Variants in DCDC2C observed in about 807,000 individuals in gnomAD.
DCDC2C encodes the protein doublecortin domain-containing protein 2C.
In DCDC2C, 44 loss-of-function variants were observed where a neutral mutation model predicts 45.0. The observed-to-expected ratio is 0.98, with a 90% CI of 0.77 to 1.26. The LOEUF (loss-of-function observed/expected upper bound fraction) is 1.26, where lower values mean the gene tolerates loss of function less well. DCDC2C is among the 50% of genes most tolerant of loss of function. DCDC2C has a pLI of 0.00. For synonymous variants in DCDC2C, 187 were observed against 178.8 expected (o/e 1.05, Z -0.37); for missense variants, 447 against 468.9 (o/e 0.95, Z 0.43).
At position 3,752,743 on chromosome 2, in the gene DCDC2C, T is replaced by C. The variant is rs1400784501; in HGVS notation, c.546-20T>C. 1 of 1,550,160 alleles carries C rather than the reference T, an allele frequency of 6.5e-7. No homozygotes were observed. The highest frequency in any genetic ancestry group is 2.4e-5 in the East Asian group (1 of 40,908). ...CTGGTCCTCAAGTCTCTATCTCATT[T>C]CTTCTTTCTGTTTTTACAGATTATT... On this transcript the variant is annotated intron_variant, in intron 4 of 10. Coordinates refer to ENST00000399143, the MANE Select transcript of DCDC2C (RefSeq NM_001287444.2).
Position 3,726,986 on chromosome 2 carries a change from G to A in DCDC2C, c.340-17G>A. ...TAATTTGAACTGAATTCCCAGGTGT[G>A]TTTTTTCCTTTTTCAGATCAAACCA... On this transcript the variant is annotated splice_polypyrimidine_tract_variant and intron_variant, in intron 2 of 10. Transcript: ENST00000399143. 2 of 1,549,648 alleles carry A rather than the reference G, an allele frequency of 1.3e-6. No individual in the cohort carries two copies. The highest frequency in any genetic ancestry group is 1.7e-6 in the Non-Finnish European group (2 of 1,146,232).
intron 2 of DCDC2C, among the ~76,000 whole-genome samples, chr2:3,717,945 C>G (rs1296821359): frequency 7.9e-5 from 12 of 152,238 alleles, no homozygotes; most frequent in Admixed American, 7.9e-4. Context: ...AGGAGGCCTC[C>G]TTTCTCCCTA....
In DCDC2C at chr2:3,704,044, T is replaced by TGCGCCC; in HGVS notation, c.287+13_287+18dup. On this transcript the variant is annotated splice_region_variant and intron_variant, in intron 1 of 10. Transcript: ENST00000399143. ...GAGCGCTTCAAGGAGCTCGAGTAAGTGCGCCCGCGCCCCCCACGCGCCCTG... is the reference window on the plus strand; with the variant it reads ...GAGCGCTTCAAGGAGCTCGAGTAAGTGCGCCCGCGCCCGCGCCCCCCACGCGCCCTG... 1 of 1,254,658 alleles carries TGCGCCC rather than the reference T, an allele frequency of 8.0e-7. No homozygotes were observed. Among genetic ancestry groups the TGCGCCC allele is most frequent in the African/African-American group, 1.6e-5 (1 of 64,440 alleles). 77.7% of individuals were successfully genotyped at this position (1,254,658 alleles called of 1,614,324 possible). A position where few individuals can be genotyped will look rare whatever the true frequency, so the allele number is the denominator to read the frequency against.
rs546767311 is a variant in DCDC2C at position 3,709,250 on chromosome 2, G to T, written c.339+650G>T. Reference sequence around the variant, plus strand: ...TTGAGGGTATCTACTTCTCTAAGTTGCAATGTTGCTGTTCTTAAATTTCCT... The same window carrying T: ...TTGAGGGTATCTACTTCTCTAAGTTTCAATGTTGCTGTTCTTAAATTTCCT... On this transcript the variant is annotated intron_variant, in intron 2 of 10. Coordinates refer to ENST00000399143, the MANE Select transcript of DCDC2C (RefSeq NM_001287444.2). Among the ~76,000 whole-genome samples the T allele has an allele frequency of 1.7e-4, 26 of 152,312 alleles. No individual in the cohort carries two copies. In the East Asian group the frequency reaches 3.7e-3, roughly 21 times the overall value.
intron 6 of DCDC2C, among the ~76,000 whole-genome samples, chr2:3,760,811 G>A (rs1347936293): frequency 2.0e-5 from 3 of 150,878 alleles, no homozygotes; most frequent in South Asian, 2.1e-4. Context: ...AAACCTGCAC[G>A]TTCTGCACAT....
chr2:3,837,615 A>G lies in DCDC2C; in HGVS notation c.1066-9539A>G, dbSNP rs1672112822. Among the ~76,000 whole-genome samples, 10 of 101,884 alleles carry G rather than the reference A, an allele frequency of 9.8e-5. 1 individual carries two copies. Among genetic ancestry groups the G allele is most frequent in the South Asian group, 3.7e-4 (1 of 2,726 alleles). 66.8% of individuals were successfully genotyped at this position (101,884 alleles called of 152,430 possible). On this transcript the variant is annotated intron_variant, in intron 10 of 10. Transcript: ENST00000399143. ...TCTGTTCTCATCTAAAGGGGAAGAAACTGAGGAAGAAATCAGCCTTTGGCT... is the reference window on the plus strand; with the variant it reads ...TCTGTTCTCATCTAAAGGGGAAGAAGCTGAGGAAGAAATCAGCCTTTGGCT...
At chr2:3,824,569 G>A (rs952090686) in intron 10 of DCDC2C, among the ~76,000 whole-genome samples, 2 of 152,146 alleles carry the variant, frequency 1.3e-5, no homozygotes, top group Admixed American at 6.5e-5. Context: ...TTTAGTTGAG[G>A]TTTGTTGTTA....
At chr2:3,756,785 A>G (rs1416974847) in intron 6 of DCDC2C, among the ~76,000 whole-genome samples, 1 of 152,230 alleles carries the variant, frequency 6.6e-6, no homozygotes, top group Non-Finnish European at 1.5e-5. Flanking sequence ...GAGTGAGCTT[A>G]GCCTGTCTGA....
chr2:3,844,676 A>G (rs1031572086), intron 10 of DCDC2C: 1 of 152,240 alleles, frequency 6.6e-6, no homozygotes, highest in African/African-American at 2.4e-5. Flanking sequence ...CATGAATTTC[A>G]TATTTTGGTG....
intron 8 of DCDC2C, among the ~76,000 whole-genome samples, chr2:3,773,957 A>G (rs1572605909): frequency 6.6e-6 from 1 of 152,202 alleles, no homozygotes. Context: ...GTGCAAAAGG[A>G]GAGTATCTTT....
At chr2:3,838,113 G>T (rs1398034249) in intron 10 of DCDC2C, among the ~76,000 whole-genome samples, 1 of 152,176 alleles carries the variant, frequency 6.6e-6, no homozygotes, top group African/African-American at 2.4e-5. Flanking sequence ...GCCCTTGAAG[G>T]TGGTGATCGC....
In DCDC2C at chr2:3,778,872, T is replaced by C. The variant is rs1670430199; in HGVS notation, c.1011T>C (p.Phe337=). The C allele has an allele frequency of 1.3e-6, 2 of 1,550,950 alleles. No individual in the cohort carries two copies. Among genetic ancestry groups the C allele is most frequent in the Non-Finnish European group, 1.7e-6 (2 of 1,147,088 alleles). The change falls in exon 9 of 11, where the codon TTT becomes TTC. Residue 337 remains phenylalanine (F), a synonymous_variant. Transcript: ENST00000399143. ...AGATACATGAGAACACCCCTGATTT[T>C]GAGGGCAACAAGGTGAGTTCATTTT... The part of the protein sequence containing the change: ...DEEIHENTPD[F]EGNKDKEDAR...
chr2:3,811,633 A>G (rs1227657637), intron 10 of DCDC2C, among the ~76,000 whole-genome samples: 1 of 152,146 alleles, frequency 6.6e-6, no homozygotes, highest in Non-Finnish European at 1.5e-5. Context: ...AGAAGTGGTG[A>G]GGGAGGGCAC....
chr2:3,829,097 G>A (rs994502322), intron 10 of DCDC2C, among the ~76,000 whole-genome samples: 4 of 152,082 alleles, frequency 2.6e-5, no homozygotes, highest in African/African-American at 7.2e-5. Context: ...GCACAGGAAC[G>A]CACGGTCACG....
intron 4 of DCDC2C, among the ~76,000 whole-genome samples, chr2:3,747,144 G>A (rs1269129653): frequency 6.6e-6 from 1 of 152,168 alleles, no homozygotes; most frequent in Admixed American, 6.5e-5. Context: ...GGACACACAT[G>A]CACGCAGCAC....
At chr2:3,758,703 T>G (rs1263973094) in intron 6 of DCDC2C, among the ~76,000 whole-genome samples, 1 of 152,118 alleles carries the variant, frequency 6.6e-6, no homozygotes, top group Non-Finnish European at 1.5e-5. Context: ...GTCCGGTGGG[T>G]TGGCTGCACA....
At chr2:3,796,596 C>G (rs1670961991) in intron 10 of DCDC2C, among the ~76,000 whole-genome samples, 1 of 106,736 alleles carries the variant, frequency 9.4e-6, no homozygotes, top group Admixed American at 9.5e-5. Context: ...TGAATTTTGT[C>G]AAAGGCCTTT....
chr2:3,727,599 C>T (rs1158200365), intron 3 of DCDC2C, among the ~76,000 whole-genome samples: 1 of 152,248 alleles, frequency 6.6e-6, no homozygotes, highest in African/African-American at 2.4e-5. Flanking sequence ...TGGCCGCTGC[C>T]CTGGGATGCC....
intron 10 of DCDC2C, among the ~76,000 whole-genome samples, chr2:3,846,253 C>G (rs752181835): frequency 1.3e-4 from 19 of 151,734 alleles, no homozygotes; most frequent in African/African-American, 1.9e-4. Flanking sequence ...CTTCCTCCCC[C>G]ACTCCCTTCT....
Sources: allele counts gnomAD v4.1 joint callset (sites outside exome capture counted in the v4.1 genomes callset), GRCh38; gene constraint gnomAD v4.1.1; transcripts MANE v1.5; gene names NCBI Gene and HGNC (gene_info 2026-07-23, HGNC 2026-07-21).